Variants in ELP4 observed in about 807,000 individuals in gnomAD.
ELP4 encodes the protein elongator complex protein 4.
Under a neutral mutation model 48.9 loss-of-function variants are expected in ELP4, and 51 were observed. The ratio of observed to expected loss-of-function variants is 1.04; its 90% confidence interval spans 0.83 to 1.32. The LOEUF (loss-of-function observed/expected upper bound fraction) is 1.32, where lower values mean the gene tolerates loss of function less well. Among genes scored for constraint, ELP4 ranks in the 40% most tolerant of loss-of-function variants. The probability of loss-of-function intolerance (pLI) is 0.00; values close to 1 mark genes in which losing one functional copy is unlikely to be tolerated. For synonymous variants in ELP4, 210 were observed against 189.2 expected, an observed-to-expected ratio of 1.11 and a Z score of -0.90; for missense variants, 519 against 514.6, an observed-to-expected ratio of 1.01 and a Z score of -0.08.
rs755443123 is a variant in ELP4 at position 31,590,423 on chromosome 11, AT to A, written c.382-4346del. ...CACAGTATATAAAAATTCACTTTCAATGTATCAAAGAGCTAAATTTAAGAAT... is the reference window on the plus strand; with the variant it reads ...CACAGTATATAAAAATTCACTTTCAAGTATCAAAGAGCTAAATTTAAGAAT... On this transcript the variant is annotated intron_variant, in intron 3 of 9. Transcript: ENST00000640961. 4.2e-4 allele frequency among the ~76,000 whole-genome samples: 64 copies of A among 152,336 alleles called. 1 individual carries two copies. Among genetic ancestry groups the A allele is most frequent in the Non-Finnish European group, 7.6e-4 (52 of 68,022 alleles).
At chr11:31,731,426 A>G (rs1592260983) in intron 9 of ELP4, among the ~76,000 whole-genome samples, 1 of 152,338 alleles carries the variant, frequency 6.6e-6, no homozygotes, top group East Asian at 1.9e-4. Flanking sequence ...AATTCCCTAG[A>G]GGGTTCAACA....
chr11:31,648,492 A>G (rs1945252823), intron 8 of ELP4: 1 of 151,490 alleles, frequency 6.6e-6, no homozygotes, highest in Non-Finnish European at 1.5e-5. Flanking sequence ...TCTTATGTAG[A>G]ACTATATGAA....
chr11:31,603,933 A>AAATATTCAAAC (rs780390640), intron 5 of ELP4, 26 bp downstream of exon 5: 1 of 1,593,296 alleles, frequency 6.3e-7, no homozygotes, highest in East Asian at 2.2e-5. Context: ...ATTTAATAAC[A>AAATATTCAAAC]AAATCTGATT....
intron 3 of ELP4, among the ~76,000 whole-genome samples, chr11:31,574,874 C>T (rs1276168987): frequency 3.9e-5 from 6 of 152,214 alleles, no homozygotes; most frequent in African/African-American, 1.4e-4. Context: ...ATCAGAGCAC[C>T]TCTTCTCCTC....
At chr11:31,583,412 G>C (rs1957422773) in intron 3 of ELP4, among the ~76,000 whole-genome samples, 1 of 152,112 alleles carries the variant, frequency 6.6e-6, no homozygotes, top group Admixed American at 6.6e-5. Context: ...TCTAACAGTA[G>C]AGAAATGATA....
chr11:31,649,174 T>A (rs1277122553), intron 8 of ELP4: 1 of 151,728 alleles, frequency 6.6e-6, no homozygotes, highest in Non-Finnish European at 1.5e-5. Flanking sequence ...CTAAGACTAA[T>A]AGATGCATTA....
At chr11:31,708,608 G>A (rs1435552285) in intron 9 of ELP4, among the ~76,000 whole-genome samples, 4 of 151,930 alleles carry the variant, frequency 2.6e-5, no homozygotes, top group African/African-American at 9.7e-5. Context: ...TTTATAAACT[G>A]GTGCTTGTTA....
At chr11:31,713,115 A>G (rs1221514404) in intron 9 of ELP4, among the ~76,000 whole-genome samples, 2 of 152,130 alleles carry the variant, frequency 1.3e-5, no homozygotes, top group Non-Finnish European at 2.9e-5. Context: ...TTGTGCCTCA[A>G]TTACTTCTGC....
chr11:31,639,572 T>C (rs1018810804), intron 7 of ELP4, among the ~76,000 whole-genome samples: 1 of 151,936 alleles, frequency 6.6e-6, no homozygotes, highest in African/African-American at 2.4e-5. Flanking sequence ...TGGACAAGGA[T>C]GATTGAAACT....
chr11:31,585,015 T>G (rs908565503), intron 3 of ELP4, among the ~76,000 whole-genome samples: 2 of 152,186 alleles, frequency 1.3e-5, no homozygotes, highest in Non-Finnish European at 2.9e-5. Flanking sequence ...TTACTACATT[T>G]TAGGTATTTT....
intron 3 of ELP4, among the ~76,000 whole-genome samples, chr11:31,587,312 A>G (rs1957492542): frequency 6.6e-6 from 1 of 152,244 alleles, no homozygotes; most frequent in Admixed American, 6.5e-5. Flanking sequence ...CTGGTTACAG[A>G]CTAGAATGTA....
At chr11:31,612,682 A>C (rs753916290) in intron 5 of ELP4, among the ~76,000 whole-genome samples, 1 of 152,210 alleles carries the variant, frequency 6.6e-6, no homozygotes, top group Non-Finnish European at 1.5e-5. Context: ...AGTGGAGGTA[A>C]ATGAAGAAAG....
At chr11:31,527,955 A>T (rs777004117) in intron 2 of ELP4, among the ~76,000 whole-genome samples, 1 of 151,948 alleles carries the variant, frequency 6.6e-6, no homozygotes, top group Non-Finnish European at 1.5e-5. Flanking sequence ...TGAGCTTTTA[A>T]TTCCATTCTC....
At chr11:31,719,708 A>C in intron 9 of ELP4, 1 of 364,780 alleles carries the variant, frequency 2.7e-6, no homozygotes, top group Non-Finnish European at 4.9e-6. Flanking sequence ...ATTTTTTAAA[A>C]ACAACCATAA....
chr11:31,542,825 CAATT>C (rs534361116), intron 3 of ELP4, among the ~76,000 whole-genome samples: 97 of 151,600 alleles, frequency 6.4e-4, no homozygotes, highest in African/African-American at 2.3e-3. Context: ...GGAGAAAAAT[CAATT>C]AAAACAAAAA....
intron 3 of ELP4, among the ~76,000 whole-genome samples, chr11:31,565,756 A>G (rs1384115689): frequency 6.6e-6 from 1 of 151,976 alleles, no homozygotes; most frequent in Non-Finnish European, 1.5e-5. Context: ...TACCAGTACC[A>G]TGCTGTTTTG....
chr11:31,742,227 C>T (rs1947471886), intron 9 of ELP4, among the ~76,000 whole-genome samples: 1 of 152,152 alleles, frequency 6.6e-6, no homozygotes, highest in Non-Finnish European at 1.5e-5. Context: ...ACAAAGCCTA[C>T]AAGAAATATG....
intron 9 of ELP4, among the ~76,000 whole-genome samples, chr11:31,734,435 G>C (rs144767066): frequency 4.4e-4 from 67 of 152,268 alleles, no homozygotes; most frequent in Middle Eastern, 3.4e-3. Flanking sequence ...GTCTGTTTAA[G>C]ATGACATCTT....
intron 9 of ELP4, among the ~76,000 whole-genome samples, chr11:31,717,379 C>T (rs532829192): frequency 6.6e-6 from 1 of 152,226 alleles, no homozygotes; most frequent in East Asian, 1.9e-4. Flanking sequence ...GTATTACTTA[C>T]CTCATTTGTA....
Sources: allele counts gnomAD v4.1 joint callset (sites outside exome capture counted in the v4.1 genomes callset), GRCh38; gene constraint gnomAD v4.1.1; transcripts MANE v1.5; gene names NCBI Gene and HGNC (gene_info 2026-07-23, HGNC 2026-07-21).